Variants in MIA2 observed in about 807,000 individuals in gnomAD.
The protein encoded by MIA2 is MIA SH3 domain ER export factor 2.
MIA2 carries 127 observed loss-of-function variants against 167.8 expected under a neutral mutation model. That is an observed-to-expected ratio of 0.76 (90% CI 0.66 to 0.88). MIA2 has a LOEUF of 0.88. Among genes scored for constraint, MIA2 ranks in the 40% least tolerant of loss-of-function variants. The pLI is 0.00. For synonymous variants in MIA2, 552 were observed against 541.9 expected (o/e 1.02, Z -0.26); for missense variants, 1,690 against 1,624.7 (o/e 1.04, Z -0.69).
At chr14:39,296,440 C>T (rs913907485) in intron 13 of MIA2, among the ~76,000 whole-genome samples, 18 of 151,398 alleles carry the variant, frequency 1.2e-4, no homozygotes, top group Non-Finnish European at 2.2e-4. Context: ...CTGCTTTTTT[C>T]CTCCTGGAAG....
chr14:39,273,256 C>G (rs1308592603), intron 6 of MIA2, among the ~76,000 whole-genome samples: 1 of 133,262 alleles, frequency 7.5e-6, no homozygotes, highest in Non-Finnish European at 1.6e-5. Context: ...TTTTTTTCCT[C>G]ATCTTTAAGT....
chr14:39,286,953 T>G (rs1378193793), intron 9 of MIA2, among the ~76,000 whole-genome samples: 1 of 152,128 alleles, frequency 6.6e-6, no homozygotes, highest in Non-Finnish European at 1.5e-5. Context: ...CTCGAACTTC[T>G]GACCTCAAGT....
chr14:39,269,099 T>TTTTTTTTTTTTTA (rs6145306), intron 6 of MIA2: 1 of 829,296 alleles, frequency 1.2e-6, no homozygotes, highest in Non-Finnish European at 1.4e-6. Context: ...TTTTTTTTTT[T>TTTTTTTTTTTTTA]GCTAAATGCG....
chr14:39,381,490 C>T (rs2075160257), intron 23 of MIA2, among the ~76,000 whole-genome samples: 1 of 152,010 alleles, frequency 6.6e-6, no homozygotes, highest in African/African-American at 2.4e-5. Flanking sequence ...AAATATAAAG[C>T]CAGAAAGGAC....
At position 39,247,806 on chromosome 14, in the gene MIA2, A is replaced by G. The variant is rs749274596; in HGVS notation, c.1232A>G (p.His411Arg). The G allele has an allele frequency of 1.2e-6, 2 of 1,611,288 alleles. No homozygotes were observed. Among genetic ancestry groups the G allele is most frequent in the Non-Finnish European group, 1.7e-6 (2 of 1,179,436 alleles). The change falls in exon 4 of 29, where the codon CAT (histidine) becomes CGT (arginine). Residue 411 changes from histidine (H) to arginine (R), a missense_variant. Transcript: ENST00000640607. ...KNEEDGGADEHEHPLTSELDP... is the reference protein window; with the variant it reads ...KNEEDGGADEREHPLTSELDP... ...GAAGAAGATGGTGGGGCAGATGAAC[A>G]TGAACATCCTCTAACAAGTGAATTA...
rs10145010 is a variant in MIA2 at position 39,338,854 on chromosome 14, A to C, written c.3656-7050A>C. On this transcript the variant is annotated intron_variant, in intron 25 of 28. Coordinates refer to ENST00000640607, the MANE Select transcript of MIA2 (RefSeq NM_001329214.4). Reference sequence around the variant, plus strand: ...GTTAACTGTAACAAAGGTGATTCTCATAAAAACTTTCAAGTTGTATGTGTT... The same window carrying C: ...GTTAACTGTAACAAAGGTGATTCTCCTAAAAACTTTCAAGTTGTATGTGTT... 3.6e-3 allele frequency among the ~76,000 whole-genome samples: 551 copies of C among 152,336 alleles called. 6 individuals carry two copies. Among genetic ancestry groups the C allele is most frequent in the African/African-American group, 0.013 (526 of 41,578 alleles).
chr14:39,386,156 G>C (rs1311973733), intron 23 of MIA2: 17 of 1,351,288 alleles, frequency 1.3e-5, no homozygotes. Flanking sequence ...GAAATAGGAA[G>C]ATGTTGTTCC....
At chr14:39,293,237 A>G (rs376927713) in intron 10 of MIA2, 34 bp from the exon 11 acceptor site, 6 of 1,373,654 alleles carry the variant, frequency 4.4e-6, no homozygotes, top group Non-Finnish European at 6.2e-6. Context: ...AAAAATTCTT[A>G]TATCTGTTTA....
intron 23 of MIA2, among the ~76,000 whole-genome samples, chr14:39,363,241 T>C (rs2074732634): frequency 6.6e-6 from 1 of 152,214 alleles, no homozygotes; most frequent in South Asian, 2.1e-4. Flanking sequence ...TTAAGTCTAA[T>C]GTTTCTGGCC....
intron 25 of MIA2, among the ~76,000 whole-genome samples, chr14:39,330,075 T>C (rs936935130): frequency 6.6e-6 from 1 of 152,192 alleles, no homozygotes; most frequent in Admixed American, 6.5e-5. Flanking sequence ...TCTGGTAGAA[T>C]TTGGCTGTGA....
intron 23 of MIA2, chr14:39,386,860 T>A: frequency 1.2e-6 from 1 of 861,104 alleles, no homozygotes. Context: ...ACTTTAACTC[T>A]GAGGCGGTCG....
chr14:39,359,192 T>G (rs2074613297), intron 23 of MIA2, among the ~76,000 whole-genome samples: 1 of 152,206 alleles, frequency 6.6e-6, no homozygotes, highest in Admixed American at 6.5e-5. Flanking sequence ...AGCTGTGATG[T>G]GCTCCACCCA....
At chr14:39,320,258 T>C (rs182166209) in intron 23 of MIA2, among the ~76,000 whole-genome samples, 114 of 152,324 alleles carry the variant, frequency 7.5e-4, no homozygotes, top group Non-Finnish European at 1.2e-3. Flanking sequence ...GTTTGTATTT[T>C]GTTTTTGATT....
intron 6 of MIA2, among the ~76,000 whole-genome samples, chr14:39,274,404 G>C (rs1352105740): frequency 6.6e-6 from 1 of 151,376 alleles, no homozygotes; most frequent in African/African-American, 2.4e-5. Flanking sequence ...GAATCCTTTA[G>C]AACTCAGTTT....
chr14:39,304,264 CT>C, intron 16 of MIA2, 26 bp from the exon 17 acceptor site: 2 of 1,138,666 alleles, frequency 1.8e-6, no homozygotes, highest in Non-Finnish European at 2.5e-6. Flanking sequence ...ATTAATGTTA[CT>C]TTTTTCCTTC....
intron 3 of MIA2, among the ~76,000 whole-genome samples, chr14:39,246,344 G>T (rs1037830968): frequency 7.6e-6 from 1 of 132,060 alleles, no homozygotes; most frequent in Non-Finnish European, 1.7e-5. Context: ...CAATCCACCC[G>T]CCTGAGCCTC....
intron 6 of MIA2, among the ~76,000 whole-genome samples, chr14:39,275,975 G>T (rs2057946598): frequency 6.6e-6 from 1 of 152,198 alleles, no homozygotes; most frequent in Non-Finnish European, 1.5e-5. Context: ...ATTAAACACT[G>T]TTCTTATAGG....
intron 9 of MIA2, among the ~76,000 whole-genome samples, chr14:39,288,802 A>G (rs2152812227): frequency 6.6e-6 from 1 of 152,194 alleles, no homozygotes; most frequent in Middle Eastern, 3.4e-3. Flanking sequence ...AGGGATAAAT[A>G]CCACTTGATC....
At chr14:39,281,057 G>A (rs955349957) in intron 9 of MIA2, among the ~76,000 whole-genome samples, 5 of 151,314 alleles carry the variant, frequency 3.3e-5, no homozygotes, top group Non-Finnish European at 7.4e-5. Flanking sequence ...TGAGTAGCTG[G>A]GATTACAGGC....
Sources: gnomAD v4.1 joint callset for allele counts (sites outside exome capture counted in the v4.1 genomes callset) on GRCh38, gnomAD v4.1.1 for gene constraint, MANE v1.5 for transcripts, NCBI Gene and HGNC (gene_info 2026-07-23, HGNC 2026-07-21) for gene names.